Variants in PADI2 observed in about 807,000 individuals in gnomAD.
The protein encoded by PADI2 is peptidyl arginine deiminase 2, also known as protein-arginine deiminase type-2.
Under a neutral mutation model 81.1 loss-of-function variants are expected in PADI2, and 70 were observed. That is an observed-to-expected ratio of 0.86 (90% CI 0.71 to 1.05). The LOEUF (loss-of-function observed/expected upper bound fraction) is 1.05, where lower values mean the gene tolerates loss of function less well. Ranked by LOEUF, PADI2 falls within the 50% of genes least tolerant of loss-of-function variation. The probability of loss-of-function intolerance (pLI) is 0.00; values close to 1 mark genes in which losing one functional copy is unlikely to be tolerated. For synonymous variants in PADI2, 338 were observed against 358.0 expected, an observed-to-expected ratio of 0.94 and a Z score of 0.63; for missense variants, 853 against 889.9, an observed-to-expected ratio of 0.96 and a Z score of 0.53.
rs1553181393 is a variant in PADI2 at position 17,079,228 on chromosome 1, T to C, written c.1310+36A>G. 5 of 1,588,368 alleles carry C rather than the reference T, an allele frequency of 3.1e-6. No individual in the cohort carries two copies. In the Admixed American group the frequency reaches 8.7e-5, roughly 28 times the overall value. On this transcript the variant is annotated intron_variant, in intron 11 of 15. Transcript: ENST00000375486. ...AAAAGAGAAACAGTGACTTCCCCAC[T>C]CCCACAGCCCCTAGCCCCAGCCTGG...
At chr1:17,083,863 G>C (rs1348540184) in intron 8 of PADI2, 26 bp from the exon 9 acceptor site, 3 of 1,434,952 alleles carry the variant, frequency 2.1e-6, no homozygotes, top group African/African-American at 1.4e-5. Context: ...AAGAAGGAGA[G>C]GCCAGGAGAA....
chr1:17,119,104 C>G lies in PADI2; in HGVS notation c.92+176G>C, dbSNP rs1931854067. Among the ~76,000 whole-genome samples the G allele has an allele frequency of 6.6e-6, 1 of 151,612 alleles. No individual in the cohort carries two copies. The highest frequency in any genetic ancestry group is 2.1e-4 in the South Asian group (1 of 4,778). Reference sequence around the variant, plus strand: ...TCTCAGGGTTTCTGGAAGGTGGACACAAGGTTCGGGGGTTGTCAGGTTTCT... The same window carrying G: ...TCTCAGGGTTTCTGGAAGGTGGACAGAAGGTTCGGGGGTTGTCAGGTTTCT... On this transcript the variant is annotated intron_variant, in intron 1 of 15. Transcript: ENST00000375486. This position sits in a 1 kb window ranked among gnomAD's most constrained non-coding sequence, Gnocchi z 4.8.
chr1:17,093,802 G>C (rs1183065080), intron 4 of PADI2, 118 bp from the exon 5 acceptor site: 1 of 614,680 alleles, frequency 1.6e-6, no homozygotes, highest in Non-Finnish European at 2.9e-6. Flanking sequence ...CACTGGGGCA[G>C]CTGTGACCTG....
At chr1:17,114,546 A>G (rs1931696916) in intron 1 of PADI2, among the ~76,000 whole-genome samples, 1 of 152,126 alleles carries the variant, frequency 6.6e-6, no homozygotes, top group African/African-American at 2.4e-5. Flanking sequence ...TACGTAAATT[A>G]TTACATGTCC....
At chr1:17,116,043 T>C (rs1316757861) in intron 1 of PADI2, among the ~76,000 whole-genome samples, 1 of 152,212 alleles carries the variant, frequency 6.6e-6, no homozygotes, top group Non-Finnish European at 1.5e-5. Context: ...TAGTGGTCAA[T>C]TGTTCATCAC....
At chr1:17,113,289 T>A (rs1931648143) in intron 1 of PADI2, among the ~76,000 whole-genome samples, 1 of 146,232 alleles carries the variant, frequency 6.8e-6, no homozygotes, top group African/African-American at 2.5e-5. Flanking sequence ...TATTATTATT[T>A]TTCTAACCAC....
intron 6 of PADI2, among the ~76,000 whole-genome samples, chr1:17,088,894 G>A (rs1188630939): frequency 2.7e-5 from 3 of 109,408 alleles, no homozygotes; most frequent in Non-Finnish European, 5.1e-5. Context: ...GCGACAGAGC[G>A]AGACTCCATC....
At chr1:17,107,102 G>A (rs573718685) in intron 1 of PADI2, among the ~76,000 whole-genome samples, 1 of 152,320 alleles carries the variant, frequency 6.6e-6, no homozygotes, top group Admixed American at 6.5e-5. Flanking sequence ...TCCAGCCACT[G>A]GTCTGGAGGC....
chr1:17,119,223 G>A lies in PADI2; in HGVS notation c.92+57C>T. The A allele has an allele frequency of 1.6e-6, 2 of 1,248,084 alleles. No individual in the cohort carries two copies. The highest frequency in any genetic ancestry group is 1.1e-6 in the Non-Finnish European group (1 of 896,222). 77.3% of individuals were successfully genotyped at this position (1,248,084 alleles called of 1,614,324 possible). On this transcript the variant is annotated intron_variant, in intron 1 of 15. Coordinates refer to ENST00000375486, the MANE Select transcript of PADI2 (RefSeq NM_007365.3). The surrounding 1 kb of genome is among the most constrained non-coding windows in gnomAD (Gnocchi z 4.8). ...TGTCCACGTCCCCGAGTCTGAGCGC[G>A]TCTCAGGATTTCTGGGCTCGAGATC...
rs1251319963 is a variant in PADI2, at chr1:17,090,618, TC to T, written c.655+1789del. On this transcript the variant is annotated intron_variant, in intron 6 of 15. Transcript: ENST00000375486. ...GTGTGTGTGTGTGTGTGTGTGTGTG[TC>T]TAAGAGTTTTCACCCAGTGACCCAG... 4.7e-5 allele frequency among the ~76,000 whole-genome samples: 7 copies of T among 148,916 alleles called. No homozygotes were observed. The East Asian group carries it at 8.3e-4, about 18-fold the overall frequency.
chr1:17,083,634 G>A (rs759981015), intron 9 of PADI2, 92 bp downstream of exon 9: 1 of 773,714 alleles, frequency 1.3e-6, no homozygotes, highest in Non-Finnish European at 2.4e-6. Flanking sequence ...CATCTGCAGA[G>A]CTGCTGGGTG....
chr1:17,079,657 AGTGAGT>A lies in PADI2; in HGVS notation c.1159-248_1159-243del, dbSNP rs1472941324. 2.6e-5 allele frequency among the ~76,000 whole-genome samples: 4 copies of A among 150,982 alleles called. No individual in the cohort carries two copies. In the East Asian group the frequency reaches 7.8e-4, roughly 29 times the overall value. On this transcript the variant is annotated intron_variant, in intron 10 of 15. Coordinates refer to ENST00000375486, the MANE Select transcript of PADI2 (RefSeq NM_007365.3). ...GAGTGAGTGTGAGAGTGAGTGTGAG[AGTGAGT>A]GTGAGTGTGAATGTGAGTGTGTGGG...
At chr1:17,118,863 C>T (rs1041334443) in intron 1 of PADI2, among the ~76,000 whole-genome samples, 3 of 152,086 alleles carry the variant, frequency 2.0e-5, no homozygotes, top group Non-Finnish European at 4.4e-5. Context: ...CTCCGCTGAA[C>T]TGGGAGTGGG....
Position 17,095,938 on chromosome 1 carries a change from C to T in PADI2, c.382G>A (p.Gly128Ser), listed in dbSNP as rs761554956. The T allele has an allele frequency of 6.2e-6, 10 of 1,608,120 alleles. No homozygotes were observed. Among genetic ancestry groups the T allele is most frequent in the African/African-American group, 1.3e-5 (1 of 74,872 alleles). Residue 128 changes from glycine (G) to serine (S), a missense_variant, in exon 4 of 16, where the codon GGT becomes AGT. Gly to Ser is a moderately conservative substitution (Grantham distance 56). Transcript: ENST00000375486. ...TTTGGGTTGTTCTTCTCCACCACACCATCCCGGTCTGCGTCCACATCCAGG... is the reference window on the plus strand; with the variant it reads ...TTTGGGTTGTTCTTCTCCACCACACTATCCCGGTCTGCGTCCACATCCAGG... ...ISLDVDADRD[G>S]VVEKNNPKKA...
chr1:17,077,829 G>A (rs1557759252), intron 11 of PADI2, among the ~76,000 whole-genome samples: 1 of 152,216 alleles, frequency 6.6e-6, no homozygotes, highest in Non-Finnish European at 1.5e-5. Context: ...CTTTTGTGAC[G>A]TGAGAACCTA....
At chr1:17,114,528 G>A (rs889067290) in intron 1 of PADI2, among the ~76,000 whole-genome samples, 1 of 152,110 alleles carries the variant, frequency 6.6e-6, no homozygotes, top group African/African-American at 2.4e-5. Context: ...GTTGTTGCAA[G>A]GTTTAAATAC....
chr1:17,108,010 G>A (rs1252554136), intron 1 of PADI2, among the ~76,000 whole-genome samples: 5 of 150,596 alleles, frequency 3.3e-5, no homozygotes, highest in African/African-American at 7.3e-5. Flanking sequence ...GTGTAGTGGC[G>A]TGATCTCAGC....
chr1:17,106,778 A>AGAG (rs3036927), intron 1 of PADI2, among the ~76,000 whole-genome samples: 101,590 of 149,814 alleles, frequency 0.68, 35,949 homozygotes, highest in East Asian at 0.93. Context: ...GAAAGATGAG[A>AGAG]GAGGAGGAGG....
At position 17,077,985 on chromosome 1, in the gene PADI2, T is replaced by C. The variant is rs370807237; in HGVS notation, c.1310+1279A>G. 2.0e-5 allele frequency among the ~76,000 whole-genome samples: 3 copies of C among 152,248 alleles called. No individual in the cohort carries two copies. In the East Asian group the frequency reaches 5.8e-4, roughly 29 times the overall value. On this transcript the variant is annotated intron_variant, in intron 11 of 15. Transcript: ENST00000375486. ...CACATTTCTGGGGCAGGACCACGTC[T>C]GCTCATACCTCTTTTAAGTATGGTA... is the stretch of plus-strand genomic sequence containing the variant.
Sources: gnomAD v4.1 joint callset for allele counts (sites outside exome capture counted in the v4.1 genomes callset) on GRCh38, gnomAD v4.1.1 for gene constraint, Gnocchi (gnomAD v3.1) non-coding constraint, MANE v1.5 for transcripts, NCBI Gene and HGNC (gene_info 2026-07-23, HGNC 2026-07-21) for gene names.